CD8B2: variants seen among roughly 807,000 people sequenced by gnomAD.
The protein encoded by CD8B2 is T-cell surface glycoprotein CD8 beta-2 chain.
Under a neutral mutation model 23.7 loss-of-function variants are expected in CD8B2, and 11 were observed. The ratio of observed to expected loss-of-function variants is 0.46; its 90% confidence interval spans 0.29 to 0.77. The LOEUF (loss-of-function observed/expected upper bound fraction) is 0.77, where lower values mean the gene tolerates loss of function less well. Among genes scored for constraint, CD8B2 ranks in the 30% least tolerant of loss-of-function variants. The pLI is 0.09. For missense variants in CD8B2, 197 were observed against 270.5 expected (o/e 0.73, Z 1.91); for synonymous variants, 90 against 109.3 (o/e 0.82, Z 1.10).
chr2:106,524,131 T>C (rs766200064), intron 5 of CD8B2, among the ~76,000 whole-genome samples: 1 of 152,150 alleles, frequency 6.6e-6, no homozygotes, highest in Non-Finnish European at 1.5e-5. Context: ...GCTTCCTGGA[T>C]TGTTGCTAGA....
At chr2:106,514,407 C>T (rs190596402), downstream of CD8B2, among the ~76,000 whole-genome samples, 2 of 151,820 alleles carry the variant, frequency 1.3e-5, no homozygotes, top group East Asian at 3.9e-4. Context: ...CCTGCCTCAG[C>T]CTCCCAAATA....
At chr2:106,496,376 C>T (rs1251017349) in intron 3 of CD8B2, 114 bp downstream of exon 3, 5 of 1,452,000 alleles carry the variant, frequency 3.4e-6, no homozygotes, top group Non-Finnish European at 4.6e-6. Context: ...TAGAGCCTAT[C>T]TCCCCAGCCC....
chr2:106,539,857 G>A (rs745577749), intron 5 of CD8B2, among the ~76,000 whole-genome samples: 2 of 152,192 alleles, frequency 1.3e-5, no homozygotes, highest in Non-Finnish European at 2.9e-5. Flanking sequence ...CTACTGCTGA[G>A]CATCTTGGCT....
At chr2:106,493,594 G>C (rs963762559) in intron 2 of CD8B2, among the ~76,000 whole-genome samples, 3 of 152,130 alleles carry the variant, frequency 2.0e-5, no homozygotes, top group African/African-American at 4.8e-5. Context: ...TCCCAGGAGA[G>C]GGCCAGGCTC....
chr2:106,496,039 T>C, intron 2 of CD8B2, 134 bp from the exon 3 acceptor site: 1 of 1,435,070 alleles, frequency 7.0e-7, no homozygotes, highest in South Asian at 1.3e-5. Flanking sequence ...GCTCAAATGA[T>C]CTCCTGCCTT....
chr2:106,540,609 G>T (rs1418654933), intron 5 of CD8B2, among the ~76,000 whole-genome samples: 3 of 151,586 alleles, frequency 2.0e-5, no homozygotes, highest in Non-Finnish European at 2.9e-5. Flanking sequence ...CTGTCACCCA[G>T]GCTAGAGTGC....
At chr2:106,490,815 G>T (rs186329512) in intron 1 of CD8B2, 59 bp from the exon 2 acceptor site, 1 of 1,538,728 alleles carries the variant, frequency 6.5e-7, no homozygotes, top group Non-Finnish European at 8.7e-7. Context: ...GTGTGACTGC[G>T]AGGTCCCACA....
intron 3 of CD8B2, among the ~76,000 whole-genome samples, chr2:106,501,204 C>T (rs921043215): frequency 1.3e-5 from 2 of 152,012 alleles, no homozygotes; most frequent in African/African-American, 2.4e-5. Context: ...AAAAGTAAAA[C>T]ACAGGAAACA....
At chr2:106,504,136 G>T (rs1172917980) in intron 4 of CD8B2, among the ~76,000 whole-genome samples, 153 bp from the exon 5 acceptor site, 1 of 152,150 alleles carries the variant, frequency 6.6e-6, no homozygotes, top group Admixed American at 6.5e-5. Context: ...GCATTAAGGG[G>T]ATTAAAATGT....
At chr2:106,492,892 T>C (rs1346446393) in intron 2 of CD8B2, among the ~76,000 whole-genome samples, 6 of 152,310 alleles carry the variant, frequency 3.9e-5, no homozygotes, top group Middle Eastern at 3.4e-3. Flanking sequence ...AAATGGACTT[T>C]GGGAGTTTGG....
intron 1 of CD8B2, among the ~76,000 whole-genome samples, chr2:106,489,915 C>T (rs1449784322): frequency 1.3e-5 from 2 of 152,128 alleles, no homozygotes; most frequent in Non-Finnish European, 2.9e-5. Flanking sequence ...GGTTCTGGGC[C>T]GGGTCTGTGA....
chr2:106,527,806 A>AAGAC (rs1553468629), intron 5 of CD8B2, among the ~76,000 whole-genome samples: 19 of 151,194 alleles, frequency 1.3e-4, no homozygotes, highest in African/African-American at 4.6e-4. Context: ...AACAAAACAA[A>AAGAC]AAACAAACAA....
chr2:106,499,545 A>C (rs935124619), intron 3 of CD8B2, among the ~76,000 whole-genome samples: 8 of 151,848 alleles, frequency 5.3e-5, no homozygotes, highest in Admixed American at 2.0e-4. Flanking sequence ...AAAAAAAAAA[A>C]AAAAAACCTT....
intron 5 of CD8B2, among the ~76,000 whole-genome samples, chr2:106,540,377 A>C (rs1468911089): frequency 6.6e-6 from 1 of 152,156 alleles, no homozygotes; most frequent in Non-Finnish European, 1.5e-5. Context: ...CAGCCCACCA[A>C]AGGCGCATTA....
rs2104549704 is a variant in CD8B2 at position 106,491,144 on chromosome 2, G to A, written c.314G>A (p.Ser105Asn). The A allele has an allele frequency of 6.2e-7, 1 of 1,613,902 alleles. No individual in the cohort carries two copies. The highest frequency in any genetic ancestry group is 2.2e-5 in the East Asian group (1 of 44,868). ...AGCCGGTTCATTCTCAATCTCACAA[G>A]CGTGAAGCCGGAGGACAGTGGCATC... ...DASRFILNLTSVKPEDSGIYF... is the reference protein window; with the variant it reads ...DASRFILNLTNVKPEDSGIYF... The change falls in exon 2 of 6, where the codon AGC becomes AAC. Residue 105 changes from serine to asparagine, a missense_variant. Transcript: ENST00000643224.
chr2:106,543,781 G>A (rs1680212415), intron 5 of CD8B2, among the ~76,000 whole-genome samples: 1 of 152,218 alleles, frequency 6.6e-6, no homozygotes, highest in Non-Finnish European at 1.5e-5. Context: ...GGAGAACCCA[G>A]TGAAATTACT....
At chr2:106,520,414 G>T (rs1038619088) in intron 5 of CD8B2, among the ~76,000 whole-genome samples, 2 of 152,070 alleles carry the variant, frequency 1.3e-5, no homozygotes, top group African/African-American at 2.4e-5. Flanking sequence ...AATCATTGAG[G>T]CTCGGGGACC....
chr2:106,526,017 A>C (rs1367520472), intron 5 of CD8B2, among the ~76,000 whole-genome samples: 1 of 152,206 alleles, frequency 6.6e-6, no homozygotes, highest in Non-Finnish European at 1.5e-5. Flanking sequence ...CAAGGCGGGA[A>C]ATTGCCTGAG....
At chr2:106,518,800 C>T (rs1353865198) in intron 5 of CD8B2, among the ~76,000 whole-genome samples, 1 of 151,960 alleles carries the variant, frequency 6.6e-6, no homozygotes, top group African/African-American at 2.4e-5. Context: ...TATCCATTTT[C>T]CTTCCTACAT....
Sources: gnomAD v4.1 joint callset for allele counts (sites outside exome capture counted in the v4.1 genomes callset) on GRCh38, gnomAD v4.1.1 for gene constraint, MANE v1.5 for transcripts, NCBI Gene and HGNC (gene_info 2026-07-23, HGNC 2026-07-21) for gene names.